Variants in DPY19L4 observed in about 807,000 individuals in gnomAD.
DPY19L4 encodes dpy-19 like 4, also known as probable C-mannosyltransferase DPY19L4.
A neutral mutation model predicts 102.8 loss-of-function variants in DPY19L4; 97 were observed. The observed-to-expected ratio is 0.94, with a 90% confidence interval of 0.80 to 1.12. The LOEUF is 1.12. Among genes scored for constraint, DPY19L4 ranks in the 50% most tolerant of loss-of-function variants. The probability of loss-of-function intolerance (pLI) is 0.00; values close to 1 mark genes in which losing one functional copy is unlikely to be tolerated. For missense variants in DPY19L4, 815 were observed against 850.4 expected, an observed-to-expected ratio of 0.96 and a Z score of 0.52; for synonymous variants, 252 against 283.1, an observed-to-expected ratio of 0.89 and a Z score of 1.10.
At chr8:94,736,754 G>T (rs951924212) in intron 3 of DPY19L4, among the ~76,000 whole-genome samples, 2 of 152,290 alleles carry the variant, frequency 1.3e-5, no homozygotes, top group Middle Eastern at 3.4e-3. Flanking sequence ...TTAAGTATCT[G>T]CTGCTCTTGC....
intron 17 of DPY19L4, among the ~76,000 whole-genome samples, chr8:94,786,705 A>G (rs867931150): frequency 7.9e-5 from 12 of 151,956 alleles, no homozygotes; most frequent in African/African-American, 2.9e-4. Context: ...ATGCCACCGC[A>G]CCCAGCTAAT....
At chr8:94,764,029 A>G (rs2130882564) in intron 8 of DPY19L4, among the ~76,000 whole-genome samples, 1 of 152,288 alleles carries the variant, frequency 6.6e-6, no homozygotes, top group East Asian at 1.9e-4. Flanking sequence ...CATTGCATTT[A>G]ACTTTGTTAT....
chr8:94,748,409 G>A (rs1041565304), intron 6 of DPY19L4, among the ~76,000 whole-genome samples: 3 of 152,058 alleles, frequency 2.0e-5, no homozygotes, highest in Non-Finnish European at 4.4e-5. Context: ...GGGTCCTTCT[G>A]CCCCACCTCT....
intron 3 of DPY19L4, among the ~76,000 whole-genome samples, chr8:94,735,408 G>T (rs546771957): frequency 1.2e-4 from 18 of 152,230 alleles, no homozygotes; most frequent in African/African-American, 3.9e-4. Flanking sequence ...ACACCATCAA[G>T]ACATTTAACT....
At chr8:94,777,833 A>G in intron 14 of DPY19L4, 47 bp downstream of exon 14, 1 of 1,555,882 alleles carries the variant, frequency 6.4e-7, no homozygotes, top group Non-Finnish European at 8.7e-7. Context: ...TATAAAATCA[A>G]ATGCTAATAA....
chr8:94,726,515 T>C, intron 2 of DPY19L4, 74 bp downstream of exon 2: 1 of 1,206,594 alleles, frequency 8.3e-7, no homozygotes, highest in South Asian at 1.5e-5. Context: ...TATGTCAATA[T>C]TTTAAATATA....
At position 94,731,907 on chromosome 8, in the gene DPY19L4, A is replaced by G. The variant is rs570271196; in HGVS notation, c.128-2723A>G. Reference sequence around the variant, plus strand: ...CTCAGCCTCCCGAGTAGCTGGGACTACAGGTGCCCGCCACCACACCTGGCT... The same window carrying G: ...CTCAGCCTCCCGAGTAGCTGGGACTGCAGGTGCCCGCCACCACACCTGGCT... On this transcript the variant is annotated intron_variant, in intron 2 of 18. Coordinates refer to ENST00000414645, the MANE Select transcript of DPY19L4 (RefSeq NM_181787.3). Among the ~76,000 whole-genome samples the G allele has an allele frequency of 3.6e-3, 544 of 152,160 alleles. 3 individuals carry two copies. The highest frequency in any genetic ancestry group is 0.013 in the African/African-American group (525 of 41,518).
At chr8:94,734,934 A>C (rs1330983823) in intron 3 of DPY19L4, among the ~76,000 whole-genome samples, 180 bp downstream of exon 3, 1 of 152,242 alleles carries the variant, frequency 6.6e-6, no homozygotes, top group Non-Finnish European at 1.5e-5. Flanking sequence ...ATTTCATAGA[A>C]TAAAACTATG....
At chr8:94,764,676 T>G (rs1812561169) in intron 8 of DPY19L4, among the ~76,000 whole-genome samples, 1 of 113,712 alleles carries the variant, frequency 8.8e-6, no homozygotes, top group Non-Finnish European at 1.7e-5. Flanking sequence ...CGTGTGTGTG[T>G]GTGTCTGTGT....
At chr8:94,740,383 T>C (rs916907763) in intron 6 of DPY19L4, among the ~76,000 whole-genome samples, 8 of 152,218 alleles carry the variant, frequency 5.3e-5, no homozygotes, top group African/African-American at 1.9e-4. Flanking sequence ...TGCATCTGTG[T>C]ATTTGTATAT....
chr8:94,772,473 C>T (rs1188512656), intron 13 of DPY19L4, among the ~76,000 whole-genome samples: 1 of 152,192 alleles, frequency 6.6e-6, no homozygotes, highest in African/African-American at 2.4e-5. Flanking sequence ...ACCCATAGGA[C>T]AAGGTCCAGG....
chr8:94,777,773 A>G lies in DPY19L4; in HGVS notation c.1562A>G (p.His521Arg). ...AAGTGGCTTCGATTAAGAACTGTAC[A>G]CCCAATATTGTTGGTGAGTCATTAT... is the stretch of plus-strand genomic sequence containing the variant. ...LFKWLRLRTVHPILLALILSM... is the reference protein window; with the variant it reads ...LFKWLRLRTVRPILLALILSM... Residue 521 changes from histidine (H) to arginine (R), a missense_variant, in exon 14 of 19, where the codon CAC (histidine) becomes CGC (arginine). Transcript: ENST00000414645. The G allele has an allele frequency of 6.2e-7, 1 of 1,611,938 alleles. No individual in the cohort carries two copies.
At position 94,748,660 on chromosome 8, in the gene DPY19L4, T is replaced by G. The variant is rs867800193; in HGVS notation, c.612-7376T>G. On this transcript the variant is annotated intron_variant, in intron 6 of 18. Transcript: ENST00000414645. ...TGACGATGATGATGATGATGACAACTGCAGATTTATCTGTATTTACTGCCA... is the reference window on the plus strand; with the variant it reads ...TGACGATGATGATGATGATGACAACGGCAGATTTATCTGTATTTACTGCCA... Among the ~76,000 whole-genome samples the G allele has an allele frequency of 9.1e-4, 139 of 152,180 alleles. No homozygotes were observed. In the Middle Eastern group the frequency reaches 0.017, roughly 19 times the overall value.
rs1414598600 is a variant in DPY19L4 at position 94,734,836 on chromosome 8, G to A, written c.252+82G>A. The A allele has an allele frequency of 1.3e-5, 21 of 1,574,520 alleles. No homozygotes were observed. In the East Asian group the frequency reaches 4.7e-4, roughly 35 times the overall value. On this transcript the variant is annotated intron_variant, in intron 3 of 18. Transcript: ENST00000414645. ...ATGTATGATAAGTATGACAAGTGCT[G>A]TCTTATTTATGGCTATTAGGAACAA...
chr8:94,727,258 G>A (rs962695859), intron 2 of DPY19L4, among the ~76,000 whole-genome samples: 22 of 152,236 alleles, frequency 1.4e-4, no homozygotes, highest in Non-Finnish European at 4.4e-5. Flanking sequence ...TTTTGAGACA[G>A]AGTCTCGCTC....
intron 13 of DPY19L4, among the ~76,000 whole-genome samples, chr8:94,772,106 T>C (rs1812962299): frequency 6.6e-6 from 1 of 152,192 alleles, no homozygotes; most frequent in Admixed American, 6.6e-5. Context: ...CCCTTGTTCC[T>C]GCTTCTATAG....
Position 94,761,778 on chromosome 8 carries a change from C to T in DPY19L4, c.814C>T (p.Leu272Phe). ...MWEYSHYLLF[L>F]QAISLFLLDT... ...GGAGTATAGCCACTATCTCCTGTTT[C>T]TTCAAGCAATATCTCTATTCCTGCT... Residue 272 changes from leucine to phenylalanine, a missense_variant, in exon 8 of 19, where the codon CTT becomes TTT. Transcript: ENST00000414645. 6.2e-7 allele frequency: 1 copy of T among 1,612,450 alleles called. No homozygotes were observed. Among genetic ancestry groups the T allele is most frequent in the African/African-American group, 1.3e-5 (1 of 74,988 alleles).
Position 94,760,115 on chromosome 8 carries a change from C to A in DPY19L4, c.736-1585C>A, listed in dbSNP as rs6995961. ...GGAAAGGAATAACTTTGCTAACTCT[C>A]CAGGTTGTGTTTGATACGTAGTTCT... On this transcript the variant is annotated intron_variant, in intron 7 of 18. Transcript: ENST00000414645. 2.0e-3 allele frequency among the ~76,000 whole-genome samples: 308 copies of A among 152,296 alleles called. 1 individual carries two copies. The highest frequency in any genetic ancestry group is 7.1e-3 in the African/African-American group (294 of 41,576).
At chr8:94,747,554 C>CTTTTTTT (rs1012621845) in intron 6 of DPY19L4, among the ~76,000 whole-genome samples, 1 of 105,498 alleles carries the variant, frequency 9.5e-6, no homozygotes, top group Non-Finnish European at 1.9e-5. Flanking sequence ...TATGATGGTT[C>CTTTTTTT]TTTTTTTTTT....
Sources: gnomAD v4.1 joint callset for allele counts (sites outside exome capture counted in the v4.1 genomes callset) on GRCh38, gnomAD v4.1.1 for gene constraint, MANE v1.5 for transcripts, NCBI Gene and HGNC (gene_info 2026-07-23, HGNC 2026-07-21) for gene names.